The following H6PD variants were observed in gnomAD, a reference collection of about 807,000 sequenced individuals.
The protein encoded by H6PD is GDH/6PGL endoplasmic bifunctional protein.
Under a neutral mutation model 61.2 loss-of-function variants are expected in H6PD, and 48 were observed. The observed-to-expected ratio is 0.78, with a 90% CI of 0.62 to 1.00. H6PD has a LOEUF of 1.00. Among genes scored for constraint, H6PD ranks in the 50% least tolerant of loss-of-function variants. The probability of loss-of-function intolerance (pLI) is 0.00; values close to 1 mark genes in which losing one functional copy is unlikely to be tolerated. For synonymous variants in H6PD, 480 were observed against 457.9 expected, an observed-to-expected ratio of 1.05 and a Z score of -0.62; for missense variants, 1,093 against 1,065.0, an observed-to-expected ratio of 1.03 and a Z score of -0.37.
Position 9,263,857 on chromosome 1 carries a change from G to A in H6PD, c.1364G>A (p.Arg455Gln), listed in dbSNP as rs148202091. The A allele has an allele frequency of 5.2e-5, 84 of 1,614,000 alleles. No individual in the cohort carries two copies. Among genetic ancestry groups the A allele is most frequent in the South Asian group, 1.2e-4 (11 of 91,084 alleles). The change falls in exon 5 of 5, where the codon CGG becomes CAG. Residue 455 changes from arginine to glutamine, a missense_variant. Arg to Gln is a conservative substitution (Grantham distance 43). Coordinates refer to ENST00000377403, the MANE Select transcript of H6PD (RefSeq NM_004285.4). ...DYYAYSPVRE[R>Q]DAHSVLLSHI... ...TACGCCTACAGCCCTGTGCGGGAGC[G>A]GGACGCCCACTCCGTCCTCTTATCC...
intron 3 of H6PD, among the ~76,000 whole-genome samples, chr1:9,253,222 G>A (rs1393766306): frequency 6.6e-6 from 1 of 152,070 alleles, no homozygotes; most frequent in African/African-American, 2.4e-5. Flanking sequence ...AAACACAGGC[G>A]CACCCCCTGA....
chr1:9,240,460 G>A (rs1304455325), intron 1 of H6PD, among the ~76,000 whole-genome samples: 2 of 152,048 alleles, frequency 1.3e-5, no homozygotes, highest in Non-Finnish European at 2.9e-5. Context: ...CAGGACTTAG[G>A]GACACTAAAA....
chr1:9,258,423 T>C (rs1033613887), intron 3 of H6PD, among the ~76,000 whole-genome samples: 3 of 152,210 alleles, frequency 2.0e-5, no homozygotes, highest in African/African-American at 7.2e-5. Context: ...TCAGTGTTAA[T>C]GTTGCTGTTG....
In H6PD at chr1:9,264,781, A is replaced by G; in HGVS notation, c.2288A>G (p.His763Arg). 3 of 1,613,110 alleles carry G rather than the reference A, an allele frequency of 1.9e-6. No homozygotes were observed. The highest frequency in any genetic ancestry group is 2.5e-6 in the Non-Finnish European group (3 of 1,180,008). The change falls in exon 5 of 5, where the codon CAT (histidine) becomes CGT (arginine). Residue 763 changes from histidine to arginine, a missense_variant. His to Arg is a conservative substitution (Grantham distance 29, BLOSUM62 0). Coordinates refer to ENST00000377403, the MANE Select transcript of H6PD (RefSeq NM_004285.4). The stretch of plus-strand genomic sequence containing the variant: ...ACCACGCTGGTGAGCCGGGTGGGCC[A>G]TGAGCCCAAGAAGTGGCCCATCTCG... ...EITTLVSRVG[H>R]EPKKWPISGV...
Position 9,266,430 on chromosome 1 carries a change from C to G in H6PD, c.*1561C>G, listed in dbSNP as rs1009408002. 6.6e-6 allele frequency: 1 copy of G among 152,198 alleles called. No individual in the cohort carries two copies. 9.4% of individuals were successfully genotyped at this position (152,198 alleles called of 1,614,324 possible). ...GCCAGCAATACCTGCTTTTCTGAAG[C>G]CCCCAAGGAGGGCTCTGACATTCTT... is the stretch of plus-strand genomic sequence containing the variant. On this transcript the variant is annotated 3_prime_UTR_variant, in exon 5 of 5. Transcript: ENST00000377403.
intron 3 of H6PD, among the ~76,000 whole-genome samples, chr1:9,260,285 G>C (rs1641680737): frequency 4.7e-5 from 7 of 149,198 alleles, no homozygotes; most frequent in Non-Finnish European, 5.9e-5. Context: ...CGCCAGTGCT[G>C]TTATGTTGCT....
intron 1 of H6PD, among the ~76,000 whole-genome samples, chr1:9,238,736 A>C (rs149287340): frequency 1.1e-3 from 173 of 152,248 alleles, no homozygotes; most frequent in African/African-American, 3.6e-3. Flanking sequence ...TGACTGCATG[A>C]GTCTGGAGTT....
intron 1 of H6PD, among the ~76,000 whole-genome samples, chr1:9,235,483 G>A (rs1484253022): frequency 6.6e-6 from 1 of 152,154 alleles, no homozygotes; most frequent in East Asian, 1.9e-4. Flanking sequence ...CTGGAAAGAA[G>A]TGTCCTTGCC....
In H6PD at chr1:9,247,197, C is replaced by T. The variant is rs151138144; in HGVS notation, c.745+114C>T. 2.2e-3 allele frequency: 1,752 copies of T among 785,928 alleles called. 19 individuals are homozygous for T. The African/African-American group carries it at 0.026, about 12-fold the overall frequency. 48.7% of individuals were successfully genotyped at this position (785,928 alleles called of 1,614,324 possible). A position where few individuals can be genotyped will look rare whatever the true frequency, so the allele number is the denominator to read the frequency against. ...TTTCTGTGGGTGTGTGGTCTCCCTT[C>T]GAGCCTGCCGTGTGCCTAGCTCTGA... is the stretch of plus-strand genomic sequence containing the variant. On this transcript the variant is annotated intron_variant, in intron 3 of 4. Coordinates refer to ENST00000377403, the MANE Select transcript of H6PD (RefSeq NM_004285.4).
intron 1 of H6PD, chr1:9,243,078 C>A: frequency 1.8e-6 from 1 of 542,814 alleles, no homozygotes; most frequent in Non-Finnish European, 2.4e-6. Context: ...GTGATGGACG[C>A]GTCGTGTGTC....
At position 9,268,188 on chromosome 1, in the gene H6PD, G is replaced by A. The variant is rs1638631730; in HGVS notation, c.*3319G>A. The A allele has an allele frequency of 6.7e-6, 1 of 148,202 alleles. No homozygotes were observed. Among genetic ancestry groups the A allele is most frequent in the Non-Finnish European group, 1.5e-5 (1 of 67,528 alleles). 9.2% of individuals were successfully genotyped at this position (148,202 alleles called of 1,614,324 possible). The stretch of plus-strand genomic sequence containing the variant: ...CAGGAGACTGAGGCTGCAGTAAGGT[G>A]TGATTGCACTATTGCTCTCTAGCCT... On this transcript the variant is annotated 3_prime_UTR_variant, in exon 5 of 5. Transcript: ENST00000377403.
Position 9,263,862 on chromosome 1 carries a change from G to A in H6PD, c.1369G>A (p.Ala457Thr), listed in dbSNP as rs200623006. The change falls in exon 5 of 5, where the codon GCC becomes ACC. Residue 457 changes from alanine to threonine, a missense_variant. Transcript: ENST00000377403. ...CTACAGCCCTGTGCGGGAGCGGGAC[G>A]CCCACTCCGTCCTCTTATCCCATAT... is the stretch of plus-strand genomic sequence containing the variant. ...YAYSPVRERD[A>T]HSVLLSHIFH... 1.1e-4 allele frequency: 178 copies of A among 1,613,770 alleles called. No homozygotes were observed. Among genetic ancestry groups the A allele is most frequent in the Middle Eastern group, 1.6e-4 (1 of 6,082 alleles).
At position 9,270,315 on chromosome 1, in the gene H6PD, G is replaced by A. The variant is rs546487415; in HGVS notation, c.*5446G>A. The A allele has an allele frequency of 1.3e-5, 2 of 152,656 alleles. No homozygotes were observed. The highest frequency in any genetic ancestry group is 3.9e-4 in the East Asian group (2 of 5,188). The allele number at this position is 152,656 out of a possible 1,614,324, so 9.5% of individuals were successfully genotyped here. On this transcript the variant is annotated 3_prime_UTR_variant, in exon 5 of 5. Coordinates refer to ENST00000377403, the MANE Select transcript of H6PD (RefSeq NM_004285.4). ...TGTATGGAGTATATTTGAACAGCTA[G>A]TAGTTAGCTTTGAAAGTGGAAGTGT...
intron 4 of H6PD, 77 bp downstream of exon 4, chr1:9,262,405 G>A: frequency 7.4e-7 from 1 of 1,346,376 alleles, no homozygotes; most frequent in Non-Finnish European, 1.0e-6. Flanking sequence ...AGACGCCCTT[G>A]GGTGGAGTGG....
rs1409250638 is a variant in H6PD at position 9,245,544 on chromosome 1, C to T, written c.610C>T (p.His204Tyr). 3.1e-6 allele frequency: 5 copies of T among 1,614,026 alleles called. No individual in the cohort carries two copies. The highest frequency in any genetic ancestry group is 1.3e-5 in the African/African-American group (1 of 74,916). The change falls in exon 2 of 5, where the codon CAT (histidine) becomes TAT (tyrosine). Residue 204 changes from histidine (H) to tyrosine (Y), a missense_variant. By Grantham distance (83) the His-to-Tyr change is moderately conservative. Coordinates refer to ENST00000377403, the MANE Select transcript of H6PD (RefSeq NM_004285.4). This position sits in a 1 kb window ranked among gnomAD's most constrained non-coding sequence, Gnocchi z 4.8. ...FQEEEMYRVDHYLGKQAVAQI... is the reference protein window; with the variant it reads ...FQEEEMYRVDYYLGKQAVAQI... ...GGAGGAGGAGATGTACCGGGTGGAC[C>T]ATTACTTAGGCAAGCAGGTGAGCAT... is the stretch of plus-strand genomic sequence containing the variant.
rs201960157 is a variant in H6PD at position 9,263,756 on chromosome 1, C to T, written c.1263C>T (p.Pro421=). The T allele has an allele frequency of 2.5e-6, 4 of 1,614,026 alleles. No individual in the cohort carries two copies. Among genetic ancestry groups the T allele is most frequent in the South Asian group, 1.1e-5 (1 of 91,084 alleles). The change falls in exon 5 of 5, where the codon CCC becomes CCT. Residue 421 remains proline, a synonymous_variant. Coordinates refer to ENST00000377403, the MANE Select transcript of H6PD (RefSeq NM_004285.4). Reference sequence around the variant, plus strand: ...TGGTCAGCAGGAACCTGTTCAGGCCCTCCCTGCCCTCCAGCTGGAAGGAAA... The same window carrying T: ...TGGTCAGCAGGAACCTGTTCAGGCCTTCCCTGCCCTCCAGCTGGAAGGAAA... ...AVLVSRNLFR[P]SLPSSWKEME...
rs937128342 is a variant in H6PD, at chr1:9,267,375, G to A, written c.*2506G>A. Reference sequence around the variant, plus strand: ...GATTTCATTTCCCTCCTCTCTCCCAGGGTACCTGGCCCCAGCACTCTCCCA... The same window carrying A: ...GATTTCATTTCCCTCCTCTCTCCCAAGGTACCTGGCCCCAGCACTCTCCCA... On this transcript the variant is annotated 3_prime_UTR_variant, in exon 5 of 5. Transcript: ENST00000377403. The A allele has an allele frequency of 1.3e-5, 2 of 152,424 alleles. No individual in the cohort carries two copies. Among genetic ancestry groups the A allele is most frequent in the African/African-American group, 4.8e-5 (2 of 41,534 alleles). The allele number at this position is 152,424 out of a possible 1,614,324, so 9.4% of individuals were successfully genotyped here. A position where few individuals can be genotyped will look rare whatever the true frequency, so the allele number is the denominator to read the frequency against.
chr1:9,267,613 TG>T lies in H6PD; in HGVS notation c.*2747del, dbSNP rs1240738464. On this transcript the variant is annotated 3_prime_UTR_variant, in exon 5 of 5. Coordinates refer to ENST00000377403, the MANE Select transcript of H6PD (RefSeq NM_004285.4). ...TCTGTGCAGAGTGGGTGTGGGAGTGTGGGTGAGGGTCGAAATGCCAAAGGTC... is the reference window on the plus strand; with the variant it reads ...TCTGTGCAGAGTGGGTGTGGGAGTGTGGTGAGGGTCGAAATGCCAAAGGTC... 2.0e-5 allele frequency: 3 copies of T among 152,228 alleles called. No individual in the cohort carries two copies. Among genetic ancestry groups the T allele is most frequent in the Non-Finnish European group, 4.4e-5 (3 of 68,066 alleles). The allele number at this position is 152,228 out of a possible 1,614,324, so 9.4% of individuals were successfully genotyped here.
chr1:9,237,017 G>A (rs1443681399), intron 1 of H6PD, among the ~76,000 whole-genome samples: 3 of 152,072 alleles, frequency 2.0e-5, no homozygotes, highest in East Asian at 1.9e-4. Flanking sequence ...GTTAGTGTTC[G>A]GAACAGCTTG....
Sources: gnomAD v4.1 joint callset for allele counts (sites outside exome capture counted in the v4.1 genomes callset) on GRCh38, gnomAD v4.1.1 for gene constraint, Gnocchi (gnomAD v3.1) non-coding constraint, MANE v1.5 for transcripts, NCBI Gene and HGNC (gene_info 2026-07-23, HGNC 2026-07-21) for gene names.